The following CDKN2B variants were observed in gnomAD, a reference collection of about 807,000 sequenced individuals.
CDKN2B encodes cyclin-dependent kinase 4 inhibitor B.
CDKN2B carries 8 observed loss-of-function variants against 7.7 expected under a neutral mutation model. The ratio of observed to expected loss-of-function variants is 1.04; its 90% confidence interval spans 0.61 to 1.87. CDKN2B has a LOEUF of 1.87. Ranked by LOEUF, CDKN2B falls within the 40% of genes most tolerant of loss-of-function variation. CDKN2B has a pLI of 0.00. For synonymous variants in CDKN2B, 93 were observed against 95.8 expected (o/e 0.97, Z 0.17); for missense variants, 244 against 213.1 (o/e 1.15, Z -0.90).
intron 1 of CDKN2B, among the ~76,000 whole-genome samples, chr9:22,007,354 A>G (rs1821240763): frequency 1.3e-5 from 1 of 75,228 alleles, no homozygotes; most frequent in African/African-American, 1.4e-4. Context: ...GTGAGGCCTC[A>G]TCTCAAAAAA....
chr9:22,008,853 A>C lies in CDKN2B; in HGVS notation c.101T>G (p.Leu34Arg). 1 of 1,610,952 alleles carries C rather than the reference A, an allele frequency of 6.2e-7. No homozygotes were observed. Among genetic ancestry groups the C allele is most frequent in the Non-Finnish European group, 8.5e-7 (1 of 1,179,008 alleles). The change falls in exon 1 of 2, where the codon CTG becomes CGG. Residue 34 changes from leucine (L) to arginine (R), a missense_variant. Leu to Arg is a moderately radical substitution (Grantham distance 102, BLOSUM62 -2). Coordinates refer to ENST00000276925, the MANE Select transcript of CDKN2B (RefSeq NM_004936.4). ...RGLVEKVRQLLEAGADPNGVN... is the reference protein window; with the variant it reads ...RGLVEKVRQLREAGADPNGVN... ...TCCGTTGGGATCCGCGCCGGCTTCC[A>C]GGAGCTGTCGCACCTTCTCCACTAG...
Position 22,008,930 on chromosome 9 carries a change from C to G in CDKN2B, c.24G>C (p.Met8Ile). ...CCTCATCGCTGCCGCCCCCACTGGG[C>G]ATGCCCTTGTTCTCCTCGCGCATTC... MREENKGMPSGGGSDEGL... is the reference protein window; with the variant it reads MREENKGIPSGGGSDEGL... The change falls in exon 1 of 2, where the codon ATG becomes ATC. Residue 8 changes from methionine to isoleucine, a missense_variant. By Grantham distance (10) the Met-to-Ile change is conservative. Coordinates refer to ENST00000276925, the MANE Select transcript of CDKN2B (RefSeq NM_004936.4). The G allele has an allele frequency of 6.2e-7, 1 of 1,612,964 alleles. No homozygotes were observed. The highest frequency in any genetic ancestry group is 8.5e-7 in the Non-Finnish European group (1 of 1,179,948).
Position 22,005,973 on chromosome 9 carries a change from TG to T in CDKN2B, c.*13del. 6.2e-7 allele frequency: 1 copy of T among 1,600,420 alleles called. No homozygotes were observed. The highest frequency in any genetic ancestry group is 8.5e-7 in the Non-Finnish European group (1 of 1,179,706). On this transcript the variant is annotated 3_prime_UTR_variant, in exon 2 of 2. Transcript: ENST00000276925. This position sits in a 1 kb window ranked among gnomAD's most constrained non-coding sequence, Gnocchi z 4.9. ...AGAAAATAAAGTCGTTGTGGGCGGC[TG>T]GGGAACCTGGCGTCAGTCCCCCGTG...
Position 22,009,206 on chromosome 9 carries a change from A to G in CDKN2B, c.-253T>C. ...GGCGCGCCTGGATTGCTTCTGGGAA[A>G]AAGCGCCTAGCGCGGACGCAGCCGA... On this transcript the variant is annotated 5_prime_UTR_variant, in exon 1 of 2. Transcript: ENST00000276925. 1 of 609,666 alleles carries G rather than the reference A, an allele frequency of 1.6e-6. No homozygotes were observed. Among genetic ancestry groups the G allele is most frequent in the East Asian group, 2.9e-5 (1 of 35,084 alleles). The allele number at this position is 609,666 out of a possible 1,614,324, so 37.8% of individuals were successfully genotyped here.
At chr9:22,007,082 A>G (rs1244737168) in intron 1 of CDKN2B, among the ~76,000 whole-genome samples, 1 of 152,216 alleles carries the variant, frequency 6.6e-6, no homozygotes, top group Non-Finnish European at 1.5e-5. Context: ...AGCTTGGGCC[A>G]GGCCCAGTGG....
rs1007263689 is a variant in CDKN2B, at chr9:22,006,315, G to A, written c.157-68C>T. 1.9e-6 allele frequency: 3 copies of A among 1,591,016 alleles called. No individual in the cohort carries two copies. The highest frequency in any genetic ancestry group is 1.7e-5 in the Admixed American group (1 of 59,388). On this transcript the variant is annotated intron_variant, in intron 1 of 1. Coordinates refer to ENST00000276925, the MANE Select transcript of CDKN2B (RefSeq NM_004936.4). This position sits in a 1 kb window ranked among gnomAD's most constrained non-coding sequence, Gnocchi z 6.4. ...GTATGGGAGATGCCGGCCGGGGCAA[G>A]GCAGGTGGAGCCATTTAAAGAAACA...
In CDKN2B at chr9:22,005,111, C is replaced by CGTGTGT; in HGVS notation, c.*875_*876insACACAC. 1.3e-5 allele frequency: 2 copies of CGTGTGT among 159,562 alleles called. No homozygotes were observed. The highest frequency in any genetic ancestry group is 6.9e-4 in the South Asian group (2 of 2,908). The allele number at this position is 159,562 out of a possible 1,614,324, so 9.9% of individuals were successfully genotyped here. On this transcript the variant is annotated 3_prime_UTR_variant, in exon 2 of 2. Coordinates refer to ENST00000276925, the MANE Select transcript of CDKN2B (RefSeq NM_004936.4). The surrounding 1 kb of genome is among the most constrained non-coding windows in gnomAD (Gnocchi z 4.9). Reference sequence around the variant, plus strand: ...TCATAAGGGGATTTCCGCATCCTAGCATGTGTGTGTGTGTGTGTGTGTGTG... The same window carrying CGTGTGT: ...TCATAAGGGGATTTCCGCATCCTAGCGTGTGTATGTGTGTGTGTGTGTGTGTGTGTG...
At position 22,005,980 on chromosome 9, in the gene CDKN2B, C is replaced by T. The variant is rs753532408; in HGVS notation, c.*7G>A. 3 of 1,600,996 alleles carry T rather than the reference C, an allele frequency of 1.9e-6. No individual in the cohort carries two copies. The highest frequency in any genetic ancestry group is 2.7e-5 in the African/African-American group (2 of 74,924). ...AAAGTCGTTGTGGGCGGCTGGGGAA[C>T]CTGGCGTCAGTCCCCCGTGGCTGTG... On this transcript the variant is annotated 3_prime_UTR_variant, in exon 2 of 2. Coordinates refer to ENST00000276925, the MANE Select transcript of CDKN2B (RefSeq NM_004936.4). The surrounding 1 kb of genome is among the most constrained non-coding windows in gnomAD (Gnocchi z 4.9).
chr9:22,005,959 T>C lies in CDKN2B; in HGVS notation c.*28A>G, dbSNP rs1821153536. 1 of 1,597,996 alleles carries C rather than the reference T, an allele frequency of 6.3e-7. No individual in the cohort carries two copies. Among genetic ancestry groups the C allele is most frequent in the South Asian group, 1.1e-5 (1 of 90,656 alleles). ...TGGGAAATTGGGTAAGAAAATAAAG[T>C]CGTTGTGGGCGGCTGGGGAACCTGG... On this transcript the variant is annotated 3_prime_UTR_variant, in exon 2 of 2. Transcript: ENST00000276925. This position sits in a 1 kb window ranked among gnomAD's most constrained non-coding sequence, Gnocchi z 4.9.
rs776929094 is a variant in CDKN2B at position 22,006,260 on chromosome 9, G to A, written c.157-13C>T. 6.2e-7 allele frequency: 1 copy of A among 1,602,840 alleles called. No homozygotes were observed. Among genetic ancestry groups the A allele is most frequent in the South Asian group, 1.1e-5 (1 of 91,076 alleles). On this transcript the variant is annotated splice_polypyrimidine_tract_variant and intron_variant, in intron 1 of 1. Transcript: ENST00000276925. The surrounding 1 kb of genome is among the most constrained non-coding windows in gnomAD (Gnocchi z 6.4). ...CCATCATCATGACCTGCCAGAGAGA[G>A]CAGAGTGGTCAGAGCCAGGGTGGGG...
At position 22,005,658 on chromosome 9, in the gene CDKN2B, G is replaced by A. The variant is rs1821136878; in HGVS notation, c.*329C>T. The A allele has an allele frequency of 4.2e-6, 2 of 481,884 alleles. No individual in the cohort carries two copies. Among genetic ancestry groups the A allele is most frequent in the African/African-American group, 1.9e-5 (1 of 52,074 alleles). 29.9% of individuals were successfully genotyped at this position (481,884 alleles called of 1,614,324 possible). ...TCCATCGGAAGATTCGTAGCCACCAGGTCCAGTCAAGGATTTCATATGCAC... is the reference window on the plus strand; with the variant it reads ...TCCATCGGAAGATTCGTAGCCACCAAGTCCAGTCAAGGATTTCATATGCAC... On this transcript the variant is annotated 3_prime_UTR_variant, in exon 2 of 2. Transcript: ENST00000276925. This position sits in a 1 kb window ranked among gnomAD's most constrained non-coding sequence, Gnocchi z 4.9.
Position 22,005,081 on chromosome 9 carries a change from G to A in CDKN2B, c.*906C>T, listed in dbSNP as rs530815253. On this transcript the variant is annotated 3_prime_UTR_variant, in exon 2 of 2. Transcript: ENST00000276925. This position sits in a 1 kb window ranked among gnomAD's most constrained non-coding sequence, Gnocchi z 4.9. ...CAAAATATCACAAAATCAAAAAGTA[G>A]CAAGTCATAAGGGGATTTCCGCATC... The A allele has an allele frequency of 2.6e-5, 6 of 232,726 alleles. No individual in the cohort carries two copies. The highest frequency in any genetic ancestry group is 1.3e-4 in the African/African-American group (6 of 45,244). The allele number at this position is 232,726 out of a possible 1,614,324, so 14.4% of individuals were successfully genotyped here. A position where few individuals can be genotyped will look rare whatever the true frequency, so the allele number is the denominator to read the frequency against.
chr9:22,005,885 T>C lies in CDKN2B; in HGVS notation c.*102A>G. 1 of 1,484,124 alleles carries C rather than the reference T, an allele frequency of 6.7e-7. No homozygotes were observed. Among genetic ancestry groups the C allele is most frequent in the Non-Finnish European group, 9.1e-7 (1 of 1,098,038 alleles). 91.9% of individuals were successfully genotyped at this position (1,484,124 alleles called of 1,614,324 possible). A position where few individuals can be genotyped will look rare whatever the true frequency, so the allele number is the denominator to read the frequency against. On this transcript the variant is annotated 3_prime_UTR_variant, in exon 2 of 2. Transcript: ENST00000276925. This position sits in a 1 kb window ranked among gnomAD's most constrained non-coding sequence, Gnocchi z 4.9. Reference sequence around the variant, plus strand: ...CAGACAGGCTTGCAGGCTTACAGGCTTTCCGCCGCTCCCCGTTGGCAGCCT... The same window carrying C: ...CAGACAGGCTTGCAGGCTTACAGGCCTTCCGCCGCTCCCCGTTGGCAGCCT...
At chr9:22,008,098 T>C (rs1219042167) in intron 1 of CDKN2B, among the ~76,000 whole-genome samples, 2 of 152,228 alleles carry the variant, frequency 1.3e-5, no homozygotes, top group African/African-American at 4.8e-5. Flanking sequence ...TGAATAAGTG[T>C]ATTTTAACAA....
In CDKN2B at chr9:22,006,028, G is replaced by T; in HGVS notation, c.376C>A (p.Arg126Ser). 6.2e-7 allele frequency: 1 copy of T among 1,604,008 alleles called. No individual in the cohort carries two copies. Among genetic ancestry groups the T allele is most frequent in the Non-Finnish European group, 8.5e-7 (1 of 1,179,544 alleles). The part of the protein sequence containing the change: ...PVDLAEERGH[R>S]DVAGYLRTAT... ...GTGCGCAGGTACCCTGCAACGTCGC[G>T]GTGGCCCCGCTCCTCGGCCAAGTCC... Residue 126 changes from arginine to serine, a missense_variant, in exon 2 of 2, where the codon CGC (arginine) becomes AGC (serine). Transcript: ENST00000276925. The surrounding 1 kb of genome is among the most constrained non-coding windows in gnomAD (Gnocchi z 6.4).
chr9:22,009,211 G>A lies in CDKN2B; in HGVS notation c.-258C>T. On this transcript the variant is annotated 5_prime_UTR_variant, in exon 1 of 2. Transcript: ENST00000276925. ...GCCTGGATTGCTTCTGGGAAAAAGCGCCTAGCGCGGACGCAGCCGAGCTCA... is the reference window on the plus strand; with the variant it reads ...GCCTGGATTGCTTCTGGGAAAAAGCACCTAGCGCGGACGCAGCCGAGCTCA... The A allele has an allele frequency of 3.3e-6, 2 of 601,210 alleles. No homozygotes were observed. Among genetic ancestry groups the A allele is most frequent in the Non-Finnish European group, 5.9e-6 (2 of 339,724 alleles). The allele number at this position is 601,210 out of a possible 1,614,324, so 37.2% of individuals were successfully genotyped here. A position where few individuals can be genotyped will look rare whatever the true frequency, so the allele number is the denominator to read the frequency against.
chr9:22,008,466 A>G (rs1477725398), intron 1 of CDKN2B, among the ~76,000 whole-genome samples: 1 of 152,154 alleles, frequency 6.6e-6, no homozygotes, highest in African/African-American at 2.4e-5. Context: ...ACTTATCTTT[A>G]TCGTTGAAAG....
chr9:22,008,941 TCTC>T lies in CDKN2B; in HGVS notation c.10_12del (p.Glu4del). 1 of 1,612,992 alleles carries T rather than the reference TCTC, an allele frequency of 6.2e-7. No individual in the cohort carries two copies. The highest frequency in any genetic ancestry group is 8.5e-7 in the Non-Finnish European group (1 of 1,179,940). ...CCGCCCCCACTGGGCATGCCCTTGT[TCTC>T]CTCGCGCATTCCGCAGCCCCCAGAC... On this transcript the variant is annotated inframe_deletion, in exon 1 of 2. Transcript: ENST00000276925.
Position 22,003,442 on chromosome 9 carries a change from G to C in CDKN2B, c.*2545C>G. ...AACATGTTTCATATCTATTTCAAGG[G>C]ATAATTTTTCATGACCCAGTATAAT... is the stretch of plus-strand genomic sequence containing the variant. On this transcript the variant is annotated 3_prime_UTR_variant, in exon 2 of 2. Transcript: ENST00000276925. 4.4e-6 allele frequency: 1 copy of C among 226,952 alleles called. No homozygotes were observed. The highest frequency in any genetic ancestry group is 8.8e-6 in the Non-Finnish European group (1 of 114,220). The allele number at this position is 226,952 out of a possible 1,614,324, so 14.1% of individuals were successfully genotyped here. A position where few individuals can be genotyped will look rare whatever the true frequency, so the allele number is the denominator to read the frequency against.
Sources: allele counts gnomAD v4.1 joint callset (sites outside exome capture counted in the v4.1 genomes callset), GRCh38; gene constraint gnomAD v4.1.1; non-coding constraint Gnocchi (gnomAD v3.1); transcripts MANE v1.5; gene names NCBI Gene and HGNC (gene_info 2026-07-23, HGNC 2026-07-21).